The following CADM2 variants were observed in gnomAD, a reference collection of about 807,000 sequenced individuals.
CADM2 encodes cell adhesion molecule 2, also known as immunoglobulin superfamily member 4D.
Under a neutral mutation model 49.8 loss-of-function variants are expected in CADM2, and 12 were observed. That is an observed-to-expected ratio of 0.24 (90% CI 0.15 to 0.39). CADM2 has a LOEUF of 0.39. Among genes scored for constraint, CADM2 ranks in the 10% least tolerant of loss-of-function variants. CADM2 has a pLI of 1.00. For missense variants in CADM2, 378 were observed against 492.3 expected (o/e 0.77, Z 2.20); for synonymous variants, 214 against 175.4 (o/e 1.22, Z -1.74).
chr3:85,076,853 T>A (rs1172757156), intron 1 of CADM2, among the ~76,000 whole-genome samples: 1 of 151,952 alleles, frequency 6.6e-6, no homozygotes, highest in Admixed American at 6.6e-5. Context: ...GCACCTGCAA[T>A]CCCAACTACT....
At chr3:85,774,594 T>C (rs2070264635) in intron 2 of CADM2, among the ~76,000 whole-genome samples, 1 of 151,762 alleles carries the variant, frequency 6.6e-6, no homozygotes, top group Non-Finnish European at 1.5e-5. Context: ...GAAATATTGC[T>C]ACTGTTTATC....
At chr3:85,615,371 T>C (rs2063775099) in intron 1 of CADM2, among the ~76,000 whole-genome samples, 1 of 152,032 alleles carries the variant, frequency 6.6e-6, no homozygotes, top group Non-Finnish European at 1.5e-5. Context: ...TTGTAATCTG[T>C]CTAGCCAGTT....
intron 1 of CADM2, among the ~76,000 whole-genome samples, chr3:85,182,792 C>G (rs2040968234): frequency 6.6e-6 from 1 of 151,976 alleles, no homozygotes; most frequent in African/African-American, 2.4e-5. Flanking sequence ...TTGTGCTTGT[C>G]TAAAGTGCTT....
At chr3:85,168,024 A>G (rs1029807367) in intron 1 of CADM2, among the ~76,000 whole-genome samples, 2 of 152,148 alleles carry the variant, frequency 1.3e-5, no homozygotes, top group African/African-American at 4.8e-5. Flanking sequence ...CTATTATTAC[A>G]TAGAAAGTGA....
chr3:85,568,205 T>C (rs1258065692), intron 1 of CADM2, among the ~76,000 whole-genome samples: 1 of 152,146 alleles, frequency 6.6e-6, no homozygotes, highest in Non-Finnish European at 1.5e-5. Flanking sequence ...TTCTTAGAGT[T>C]CACTACTACT....
intron 6 of CADM2, among the ~76,000 whole-genome samples, chr3:85,919,266 A>G (rs920275872): frequency 2.0e-5 from 3 of 152,022 alleles, no homozygotes; most frequent in Non-Finnish European, 4.4e-5. Context: ...AAAAATGAGT[A>G]GCTATTTACA....
chr3:85,988,046 A>C (rs1408915071), intron 8 of CADM2, among the ~76,000 whole-genome samples: 1 of 152,116 alleles, frequency 6.6e-6, no homozygotes, highest in African/African-American at 2.4e-5. Flanking sequence ...AATTATACCA[A>C]CTTTGGGATA....
intron 7 of CADM2, among the ~76,000 whole-genome samples, chr3:85,946,014 G>T (rs1342899141): frequency 6.6e-6 from 1 of 152,054 alleles, no homozygotes; most frequent in East Asian, 1.9e-4. Context: ...CGACATGATT[G>T]TATATCTAGA....
At chr3:85,424,713 T>C (rs1032972850) in intron 1 of CADM2, among the ~76,000 whole-genome samples, 3 of 152,230 alleles carry the variant, frequency 2.0e-5, no homozygotes, top group African/African-American at 7.2e-5. Flanking sequence ...TGAGGAAATG[T>C]GTTTTTTCTA....
chr3:85,828,966 T>G (rs2074054807), intron 3 of CADM2, among the ~76,000 whole-genome samples: 1 of 151,980 alleles, frequency 6.6e-6, no homozygotes, highest in Non-Finnish European at 1.5e-5. Flanking sequence ...TGTAAGTTCT[T>G]ATTTTATCTG....
At chr3:85,948,349 T>C (rs1009593412) in intron 7 of CADM2, among the ~76,000 whole-genome samples, 2 of 151,444 alleles carry the variant, frequency 1.3e-5, no homozygotes, top group Non-Finnish European at 3.0e-5. Context: ...ACATGTATCA[T>C]AAATTTGGAA....
chr3:85,282,436 T>A, intron 1 of CADM2, among the ~76,000 whole-genome samples: 1 of 149,670 alleles, frequency 6.7e-6, no homozygotes, highest in African/African-American at 2.4e-5. Flanking sequence ...CAAATTTTTT[T>A]TTTTTTTTTT....
intron 3 of CADM2, among the ~76,000 whole-genome samples, chr3:85,856,822 A>G (rs1173140751): frequency 6.9e-6 from 1 of 144,456 alleles, no homozygotes; most frequent in Admixed American, 7.0e-5. Context: ...AGATAAATAA[A>G]GAGTCACTGC....
intron 1 of CADM2, among the ~76,000 whole-genome samples, chr3:85,496,979 G>T (rs925426495): frequency 1.3e-5 from 2 of 152,138 alleles, no homozygotes; most frequent in African/African-American, 4.8e-5. Flanking sequence ...AAGTAGCTGG[G>T]ATTACAGGCA....
rs114141621 is a variant in CADM2 at position 86,056,804 on chromosome 3, G to C, written c.971-8801G>C. ...TAATTAGTATGGCCCAAAACGTTGTGAATAGGAAACTTATGTACTCTTACA... is the reference window on the plus strand; with the variant it reads ...TAATTAGTATGGCCCAAAACGTTGTCAATAGGAAACTTATGTACTCTTACA... On this transcript the variant is annotated intron_variant, in intron 8 of 9. Coordinates refer to ENST00000383699, the MANE Select transcript of CADM2 (RefSeq NM_001167675.2). 6.4e-3 allele frequency among the ~76,000 whole-genome samples: 971 copies of C among 152,284 alleles called. 12 individuals carry two copies. The highest frequency in any genetic ancestry group is 0.02 in the African/African-American group (843 of 41,554).
At chr3:85,042,692 G>A (rs539055711) in intron 1 of CADM2, among the ~76,000 whole-genome samples, 52 of 152,250 alleles carry the variant, frequency 3.4e-4, no homozygotes, top group African/African-American at 1.1e-3. Flanking sequence ...TAGCTTAAAT[G>A]CCAACTAGTT....
chr3:85,231,227 A>G (rs2042279454), intron 1 of CADM2, among the ~76,000 whole-genome samples: 1 of 152,206 alleles, frequency 6.6e-6, no homozygotes, highest in African/African-American at 2.4e-5. Flanking sequence ...CATAACACTG[A>G]GACAATTTTT....
At chr3:85,908,668 C>G (rs925496341) in intron 5 of CADM2, among the ~76,000 whole-genome samples, 1 of 151,896 alleles carries the variant, frequency 6.6e-6, no homozygotes, top group Non-Finnish European at 1.5e-5. Context: ...ATCTTTGTTT[C>G]ATCTATCCCT....
At chr3:85,955,465 CT>C (rs1723938083) in intron 7 of CADM2, among the ~76,000 whole-genome samples, 1 of 151,222 alleles carries the variant, frequency 6.6e-6, no homozygotes, top group African/African-American at 2.4e-5. Flanking sequence ...TTTTTTATTC[CT>C]GTTAGGAAGC....
Sources: allele counts gnomAD v4.1 joint callset (sites outside exome capture counted in the v4.1 genomes callset), GRCh38; gene constraint gnomAD v4.1.1; transcripts MANE v1.5; gene names NCBI Gene and HGNC (gene_info 2026-07-23, HGNC 2026-07-21).